The following TRAPPC11 variants were observed in gnomAD, a reference collection of about 807,000 sequenced individuals.
TRAPPC11 encodes the protein foie gras homolog.
Under a neutral mutation model 151.2 loss-of-function variants are expected in TRAPPC11, and 104 were observed. The ratio of observed to expected loss-of-function variants is 0.69; its 90% confidence interval spans 0.59 to 0.81. The LOEUF is 0.81. Ranked by LOEUF, TRAPPC11 falls within the 30% of genes least tolerant of loss-of-function variation. The probability of loss-of-function intolerance (pLI) is 0.00; values close to 1 mark genes in which losing one functional copy is unlikely to be tolerated. For missense variants in TRAPPC11, 1,230 were observed against 1,349.6 expected, an observed-to-expected ratio of 0.91 and a Z score of 1.39; for synonymous variants, 456 against 472.3, an observed-to-expected ratio of 0.97 and a Z score of 0.45.
At chr4:183,671,700 CTT>C (rs1268459777) in intron 5 of TRAPPC11, among the ~76,000 whole-genome samples, 3 of 152,202 alleles carry the variant, frequency 2.0e-5, no homozygotes, top group Non-Finnish European at 4.4e-5. Context: ...CGGTAGCTCT[CTT>C]TCCTGGAATC....
intron 5 of TRAPPC11, among the ~76,000 whole-genome samples, chr4:183,673,774 G>A (rs1038415179): frequency 3.9e-5 from 6 of 152,166 alleles, no homozygotes; most frequent in Non-Finnish European, 8.8e-5. Context: ...ATTTAAGTTC[G>A]TCTTTTATCT....
Position 183,666,432 on chromosome 4 carries a change from ATCT to A in TRAPPC11, c.374+10_374+12del, listed in dbSNP as rs777743322. On this transcript the variant is annotated splice_region_variant and intron_variant, in intron 3 of 29. Coordinates refer to ENST00000334690, the MANE Select transcript of TRAPPC11 (RefSeq NM_021942.6). Reference sequence around the variant, plus strand: ...ACCAGAGTGGAAATAGTCAGGTATGATCTTCTGTGTCAGGGCAGCTATGTCAGT... The same window carrying A: ...ACCAGAGTGGAAATAGTCAGGTATGATCTGTGTCAGGGCAGCTATGTCAGT... The A allele has an allele frequency of 1.9e-6, 3 of 1,611,508 alleles. No homozygotes were observed. Among genetic ancestry groups the A allele is most frequent in the South Asian group, 1.1e-5 (1 of 90,856 alleles).
At chr4:183,692,894 G>T in intron 19 of TRAPPC11, 66 bp from the exon 20 acceptor site, 1 of 1,432,230 alleles carries the variant, frequency 7.0e-7, no homozygotes, top group Non-Finnish European at 9.5e-7. Context: ...ATGTAATTTT[G>T]GTGAGAGGAG....
intron 18 of TRAPPC11, among the ~76,000 whole-genome samples, chr4:183,688,984 A>G (rs901581514): frequency 6.6e-6 from 1 of 151,988 alleles, no homozygotes; most frequent in African/African-American, 2.4e-5. Context: ...CAAGGAGCCC[A>G]CCCACCTCAG....
chr4:183,665,871 C>T (rs36054160), intron 2 of TRAPPC11, among the ~76,000 whole-genome samples: 48,066 of 150,764 alleles, frequency 0.32, 8,697 homozygotes, highest in African/African-American at 0.51. Flanking sequence ...AGCAGTTTTA[C>T]AAGAACAGAA....
At chr4:183,706,722 A>G in intron 27 of TRAPPC11, 85 bp from the exon 28 acceptor site, 1 of 1,440,700 alleles carries the variant, frequency 6.9e-7, no homozygotes, top group Non-Finnish European at 9.5e-7. Flanking sequence ...TACTATGTCC[A>G]CAGAATGAGA....
rs1426706146 is a variant in TRAPPC11, at chr4:183,704,997, T to C, written c.2982T>C (p.Asn994=). ...GCCACAGGACCTCAGCAATGGAGAA[T>C]ATCCCCATCATCACAACTGTCATCA... The part of the protein sequence containing the change: ...ISWKRTSAME[N]IPIITTVITL... The change falls in exon 27 of 30, where the codon AAT becomes AAC. Residue 994 remains asparagine, a synonymous_variant. Coordinates refer to ENST00000334690, the MANE Select transcript of TRAPPC11 (RefSeq NM_021942.6). 1.3e-6 allele frequency: 2 copies of C among 1,597,932 alleles called. No homozygotes were observed. The highest frequency in any genetic ancestry group is 1.7e-6 in the Non-Finnish European group (2 of 1,168,544).
At chr4:183,663,680 A>AT (rs1450985594) in intron 1 of TRAPPC11, among the ~76,000 whole-genome samples, 167 bp from the exon 2 acceptor site, 7 of 138,936 alleles carry the variant, frequency 5.0e-5, no homozygotes, top group Admixed American at 1.5e-4. Flanking sequence ...TGTAATGATT[A>AT]TTTTTTTGTA....
Position 183,685,114 on chromosome 4 carries a change from G to A in TRAPPC11, c.1598G>A (p.Arg533Gln), listed in dbSNP as rs201440313. The change falls in exon 16 of 30, where the codon CGG becomes CAG. Residue 533 changes from arginine to glutamine, a missense_variant. Coordinates refer to ENST00000334690, the MANE Select transcript of TRAPPC11 (RefSeq NM_021942.6). Reference sequence around the variant, plus strand: ...ACTCTGAAAGATGACCAGAAGTCTCGGATAGAAAAGAACCTCATAAATGTT... The same window carrying A: ...ACTCTGAAAGATGACCAGAAGTCTCAGATAGAAAAGAACCTCATAAATGTT... The part of the protein sequence containing the change: ...ASTLKDDQKS[R>Q]IEKNLINVLM... 32 of 1,613,536 alleles carry A rather than the reference G, an allele frequency of 2.0e-5. No homozygotes were observed. The highest frequency in any genetic ancestry group is 2.7e-5 in the African/African-American group (2 of 74,846).
chr4:183,697,676 C>T lies in TRAPPC11; in HGVS notation c.2695-3C>T. ...ACAGACCTTTTATCTTCATTTGTGA[C>T]AGTTTGAGCACCTGGAAAGGGTTTA... On this transcript the variant is annotated splice_polypyrimidine_tract_variant and splice_region_variant and intron_variant, in intron 24 of 29. Coordinates refer to ENST00000334690, the MANE Select transcript of TRAPPC11 (RefSeq NM_021942.6). The T allele has an allele frequency of 6.2e-7, 1 of 1,613,392 alleles. No individual in the cohort carries two copies. The highest frequency in any genetic ancestry group is 8.5e-7 in the Non-Finnish European group (1 of 1,179,796).
chr4:183,666,148 G>A (rs1734870184), intron 2 of TRAPPC11, 109 bp from the exon 3 acceptor site: 1 of 910,106 alleles, frequency 1.1e-6, no homozygotes, highest in Non-Finnish European at 1.6e-6. Context: ...ATCAAAAATG[G>A]GAGGTGTGTA....
intron 20 of TRAPPC11, among the ~76,000 whole-genome samples, chr4:183,693,384 T>C (rs1267511483): frequency 2.0e-5 from 3 of 152,112 alleles, no homozygotes; most frequent in African/African-American, 7.2e-5. Context: ...TTTGTATTTT[T>C]TCTAGAGATG....
intron 25 of TRAPPC11, among the ~76,000 whole-genome samples, chr4:183,698,074 T>C (rs998272295): frequency 1.3e-5 from 2 of 152,188 alleles, no homozygotes; most frequent in Non-Finnish European, 2.9e-5. Flanking sequence ...CTAAGGGAGT[T>C]ATACTTTGAA....
At chr4:183,704,898 T>C in intron 26 of TRAPPC11, 81 bp from the exon 27 acceptor site, 1 of 807,826 alleles carries the variant, frequency 1.2e-6, no homozygotes, top group Non-Finnish European at 2.0e-6. Flanking sequence ...TGAATACATG[T>C]TTCCTGTTTT....
At chr4:183,660,957 C>G (rs974812746) in intron 1 of TRAPPC11, among the ~76,000 whole-genome samples, 1 of 152,160 alleles carries the variant, frequency 6.6e-6, no homozygotes, top group African/African-American at 2.4e-5. Flanking sequence ...CGTGAATCGC[C>G]CGCCTTGGCC....
intron 3 of TRAPPC11, 75 bp downstream of exon 3, chr4:183,666,501 TGGAGTACCGTTCAGACTGCAGTGG>T: frequency 7.5e-7 from 1 of 1,340,632 alleles, no homozygotes; most frequent in Non-Finnish European, 1.0e-6. Flanking sequence ...TTGAAGGCAA[TGGAGTACCGTTCAGACTGCAGTGG>T]TCACTTTGCG....
chr4:183,691,306 C>A lies in TRAPPC11; in HGVS notation c.1894-10C>A. On this transcript the variant is annotated splice_polypyrimidine_tract_variant and intron_variant, in intron 18 of 29. Transcript: ENST00000334690. The stretch of plus-strand genomic sequence containing the variant: ...TCTGACATTTGATGACCCCTGTTCA[C>A]CTTTTTCAGGAATACAACCAGTTCT... 1 of 1,480,096 alleles carries A rather than the reference C, an allele frequency of 6.8e-7. No homozygotes were observed. The highest frequency in any genetic ancestry group is 1.6e-5 in the South Asian group (1 of 64,412). 91.7% of individuals were successfully genotyped at this position (1,480,096 alleles called of 1,614,324 possible).
chr4:183,705,332 C>G (rs542377727), intron 27 of TRAPPC11, among the ~76,000 whole-genome samples: 1 of 152,290 alleles, frequency 6.6e-6, no homozygotes, highest in Non-Finnish European at 1.5e-5. Context: ...AATATAATTA[C>G]AGTACCATTA....
intron 28 of TRAPPC11, among the ~76,000 whole-genome samples, chr4:183,707,945 T>G (rs1561066044): frequency 3.3e-5 from 5 of 152,182 alleles, no homozygotes; most frequent in Non-Finnish European, 2.9e-5. Context: ...CTCCTGCAGT[T>G]ACTTAACACA....
Sources: allele counts gnomAD v4.1 joint callset (sites outside exome capture counted in the v4.1 genomes callset), GRCh38; gene constraint gnomAD v4.1.1; transcripts MANE v1.5; gene names NCBI Gene and HGNC (gene_info 2026-07-23, HGNC 2026-07-21).